The following ADSL variants were observed in gnomAD, a reference collection of about 807,000 sequenced individuals.
ADSL encodes the protein adenylosuccinase.
In ADSL, 44 loss-of-function variants were observed where a neutral mutation model predicts 62.1. The ratio of observed to expected loss-of-function variants is 0.71; its 90% CI spans 0.56 to 0.91. The LOEUF is 0.91. Ranked by LOEUF, ADSL falls within the 40% of genes least tolerant of loss-of-function variation. The pLI is 0.00. For missense variants in ADSL, 531 were observed against 627.4 expected, an observed-to-expected ratio of 0.85 and a Z score of 1.64; for synonymous variants, 198 against 220.5, an observed-to-expected ratio of 0.90 and a Z score of 0.90.
At chr22:40,387,208 T>A (rs2048615398) in intron 2 of ADSL, 1 of 398,484 alleles carries the variant, frequency 2.5e-6, no homozygotes, top group Non-Finnish European at 4.4e-6. Flanking sequence ...TTATTTTTCC[T>A]TCTTTCATAG....
intron 2 of ADSL, among the ~76,000 whole-genome samples, chr22:40,383,086 G>C (rs1209226481): frequency 6.6e-6 from 1 of 152,206 alleles, no homozygotes; most frequent in Non-Finnish European, 1.5e-5. Context: ...AAATCCCTAA[G>C]TACTGTAGTA....
chr22:40,362,910 G>T, intron 9 of ADSL, 71 bp from the exon 10 acceptor site: 1 of 1,396,022 alleles, frequency 7.2e-7, no homozygotes, highest in South Asian at 1.2e-5. Flanking sequence ...AGGGCAACTT[G>T]TTGGGACACA....
chr22:40,364,579 A>C lies in ADSL; in HGVS notation c.1191+214A>C, dbSNP rs1212965474. The stretch of plus-strand genomic sequence containing the variant: ...ACTTAATCACTTGTAGGAAAAGTCC[A>C]CTCCTAGTGAAGGAATGAGGTCTGA... On this transcript the variant is annotated intron_variant, in intron 11 of 12. Transcript: ENST00000623063. 4.6e-6 allele frequency: 3 copies of C among 653,702 alleles called. No homozygotes were observed. The African/African-American group carries it at 5.4e-5, about 12-fold the overall frequency. 40.5% of individuals were successfully genotyped at this position (653,702 alleles called of 1,614,324 possible). A position where few individuals can be genotyped will look rare whatever the true frequency, so the allele number is the denominator to read the frequency against.
intron 4 of ADSL, among the ~76,000 whole-genome samples, chr22:40,355,237 G>T (rs1235391159): frequency 2.6e-5 from 4 of 152,096 alleles, no homozygotes; most frequent in African/African-American, 9.7e-5. Context: ...CTACGTCCTG[G>T]GTTCAAATGA....
intron 11 of ADSL, chr22:40,364,650 C>T: frequency 1.6e-6 from 1 of 631,574 alleles, no homozygotes; most frequent in Non-Finnish European, 2.8e-6. Context: ...ATTCATGAGG[C>T]TTTACAGAAG....
In ADSL at chr22:40,350,146, T is replaced by C. The variant is rs186758682; in HGVS notation, c.357+111T>C. The C allele has an allele frequency of 0.04, 41,981 of 1,039,494 alleles. 860 individuals carry two copies. Among genetic ancestry groups the C allele is most frequent in the Non-Finnish European group, 0.05 (35,240 of 703,050 alleles). 64.4% of individuals were successfully genotyped at this position (1,039,494 alleles called of 1,614,324 possible). A position where few individuals can be genotyped will look rare whatever the true frequency, so the allele number is the denominator to read the frequency against. ...GACACTATAGATCTTTTTTTTTTTT[T>C]TGAGGCAGAGTCTCCCTCTGTCTCC... On this transcript the variant is annotated intron_variant, in intron 2 of 12. Coordinates refer to ENST00000623063, the MANE Select transcript of ADSL (RefSeq NM_000026.4).
chr22:40,372,718 C>T (rs2045826401), downstream of ADSL: 1 of 152,186 alleles, frequency 6.6e-6, no homozygotes, highest in African/African-American at 2.4e-5. Context: ...AGCCATCTTT[C>T]TATGCCTGGA....
chr22:40,383,155 C>G (rs555833673), intron 2 of ADSL, among the ~76,000 whole-genome samples: 3 of 152,224 alleles, frequency 2.0e-5, no homozygotes, highest in South Asian at 2.1e-4. Context: ...GGCACCTACA[C>G]TAGTAAAGTG....
chr22:40,353,523 A>C, intron 3 of ADSL: 1 of 636,572 alleles, frequency 1.6e-6, no homozygotes, highest in Non-Finnish European at 2.9e-6. Flanking sequence ...AGCTCAAGGG[A>C]TCCACCCGTC....
At position 40,346,607 on chromosome 22, in the gene ADSL, C is replaced by T. The variant is rs1262658484; in HGVS notation, c.49C>T (p.Leu17Phe). 1.9e-6 allele frequency: 3 copies of T among 1,608,998 alleles called. No individual in the cohort carries two copies. In the African/African-American group the frequency reaches 4.0e-5, roughly 21 times the overall value. The change falls in exon 1 of 13, where the codon CTT becomes TTT. Residue 17 changes from leucine (L) to phenylalanine (F), a missense_variant. Physicochemically the swap from Leu to Phe is conservative, Grantham distance 22 (BLOSUM62 0). This residue lies in a region of ADSL where 60 missense variants were observed against 34.5 expected (regional missense o/e 1.74). Coordinates refer to ENST00000623063, the MANE Select transcript of ADSL (RefSeq NM_000026.4). The stretch of plus-strand genomic sequence containing the variant: ...TTCGCCCGACAGCTACCGCTCACCT[C>T]TTGCCTCCCGCTATGCCAGCCCGGA... The part of the protein sequence containing the change: ...HGSPDSYRSP[L>F]ASRYASPEMC...
At position 40,349,825 on chromosome 22, in the gene ADSL, T is replaced by C; in HGVS notation, c.154-7T>C. 6.2e-7 allele frequency: 1 copy of C among 1,613,278 alleles called. No homozygotes were observed. The highest frequency in any genetic ancestry group is 8.5e-7 in the Non-Finnish European group (1 of 1,179,260). On this transcript the variant is annotated splice_polypyrimidine_tract_variant and splice_region_variant and intron_variant, in intron 1 of 12. Transcript: ENST00000623063. Reference sequence around the variant, plus strand: ...GACTATTTTATTTTATTTTGCCTATTCTGCAGACATTGGGTTTGCCTATCA... The same window carrying C: ...GACTATTTTATTTTATTTTGCCTATCCTGCAGACATTGGGTTTGCCTATCA...
downstream of ADSL, among the ~76,000 whole-genome samples, chr22:40,371,436 G>C (rs1309756645): frequency 6.6e-6 from 1 of 152,112 alleles, no homozygotes; most frequent in Non-Finnish European, 1.5e-5. Flanking sequence ...AGATGTCCTG[G>C]AATGTTCTAC....
intron 1 of ADSL, chr22:40,348,372 T>G: frequency 2.5e-6 from 1 of 397,768 alleles, no homozygotes. Context: ...AGAAACTGAC[T>G]TTTTACTTTT....
chr22:40,350,233 C>T, intron 2 of ADSL, 198 bp downstream of exon 2: 1 of 555,464 alleles, frequency 1.8e-6, no homozygotes. Flanking sequence ...ACACCATTCT[C>T]CTGCCTCAGC....
chr22:40,376,204 T>G (rs978651099), intron 2 of ADSL: 11 of 105,912 alleles, frequency 1.0e-4, no homozygotes, highest in Non-Finnish European at 2.1e-4. Flanking sequence ...TTTTTTTTTT[T>G]TTTTTTGTCT....
chr22:40,387,081 G>GT, intron 2 of ADSL: 1 of 395,146 alleles, frequency 2.5e-6, no homozygotes, highest in East Asian at 3.6e-5. Flanking sequence ...GATAACTAGA[G>GT]TTGTGCTAGT....
At chr22:40,375,857 G>T (rs1375406504) in intron 2 of ADSL, among the ~76,000 whole-genome samples, 1 of 151,978 alleles carries the variant, frequency 6.6e-6, no homozygotes, top group Non-Finnish European at 1.5e-5. Flanking sequence ...GGGCAACATG[G>T]TGAGACCCTG....
In ADSL at chr22:40,353,058, C is replaced by T. The variant is rs2044409590; in HGVS notation, c.358-15C>T. On this transcript the variant is annotated splice_polypyrimidine_tract_variant and intron_variant, in intron 2 of 12. Coordinates refer to ENST00000623063, the MANE Select transcript of ADSL (RefSeq NM_000026.4). ...AAAGCTGCTAAATATAAGATCATTG[C>T]ATTTTCTTTCGTAGGACTTGATTAT... 1.2e-6 allele frequency: 2 copies of T among 1,610,774 alleles called. No individual in the cohort carries two copies. Among genetic ancestry groups the T allele is most frequent in the Non-Finnish European group, 1.7e-6 (2 of 1,177,030 alleles).
intron 11 of ADSL, chr22:40,364,587 T>C: frequency 1.5e-6 from 1 of 647,790 alleles, no homozygotes; most frequent in East Asian, 2.7e-5. Context: ...CCACTCCTAG[T>C]GAAGGAATGA....
Sources: gnomAD v4.1 joint callset for allele counts (sites outside exome capture counted in the v4.1 genomes callset) on GRCh38, gnomAD v4.1.1 for gene constraint, gnomAD v4.1.1 regional missense constraint, MANE v1.5 for transcripts, NCBI Gene and HGNC (gene_info 2026-07-23, HGNC 2026-07-21) for gene names.